Variants in RBFOX1 observed in about 807,000 individuals in gnomAD.
RBFOX1 encodes RNA binding protein fox-1 homolog 1.
A neutral mutation model predicts 57.7 loss-of-function variants in RBFOX1; 8 were observed. The observed-to-expected ratio is 0.14, with a 90% CI of 0.08 to 0.25. RBFOX1 has a LOEUF of 0.25. RBFOX1 is among the 10% of genes least tolerant of loss of function. RBFOX1 has a pLI of 1.00. For missense variants in RBFOX1, 611 were observed against 548.5 expected (o/e 1.11, Z -1.14); for synonymous variants, 326 against 222.4 (o/e 1.47, Z -4.15).
intron 3 of RBFOX1, among the ~76,000 whole-genome samples, chr16:6,780,547 TATATATTTAC>T (rs2080816559): frequency 3.2e-5 from 4 of 123,434 alleles, no homozygotes; most frequent in South Asian, 2.6e-4. Flanking sequence ...TACATTTACA[TATATATTTAC>T]ATATTTATAT....
intron 3 of RBFOX1, among the ~76,000 whole-genome samples, chr16:6,953,454 C>G (rs577647241): frequency 3.9e-5 from 6 of 152,118 alleles, no homozygotes; most frequent in African/African-American, 1.4e-4. Context: ...GGTGCAGTCT[C>G]AGCTCACCGC....
intron 2 of RBFOX1, among the ~76,000 whole-genome samples, chr16:5,539,587 C>T (rs956444951): frequency 6.6e-6 from 1 of 151,730 alleles, no homozygotes; most frequent in East Asian, 1.9e-4. Context: ...GGCAATAGAG[C>T]GAGACTCTCT....
In RBFOX1 at chr16:6,915,726, A is replaced by C. The variant is rs542649668; in HGVS notation, c.-15-136331A>C. 7.7e-4 allele frequency among the ~76,000 whole-genome samples: 117 copies of C among 151,462 alleles called. 4 individuals carry two copies. The highest frequency in any genetic ancestry group is 7.6e-3 in the Admixed American group (115 of 15,226). On this transcript the variant is annotated intron_variant, in intron 3 of 15. Transcript: ENST00000550418. Reference sequence around the variant, plus strand: ...CCACCATGCCTGACTAAATTTTTCTACTTTTTGTAGAGACAGGGTTTTGCC... The same window carrying C: ...CCACCATGCCTGACTAAATTTTTCTCCTTTTTGTAGAGACAGGGTTTTGCC...
intron 3 of RBFOX1, among the ~76,000 whole-genome samples, chr16:5,835,199 C>T (rs769187824): frequency 6.6e-6 from 1 of 152,076 alleles, no homozygotes; most frequent in Non-Finnish European, 1.5e-5. Flanking sequence ...TGAGGGCTTC[C>T]TAGAAGTGAG....
chr16:7,347,733 A>G (rs1395850231), intron 4 of RBFOX1, among the ~76,000 whole-genome samples: 2 of 152,058 alleles, frequency 1.3e-5, no homozygotes, highest in East Asian at 3.9e-4. Flanking sequence ...GACCCAACCT[A>G]TCGTATGTCT....
intron 3 of RBFOX1, among the ~76,000 whole-genome samples, chr16:6,667,931 T>A (rs1224811811): frequency 3.3e-5 from 5 of 152,124 alleles, no homozygotes; most frequent in African/African-American, 9.7e-5. Context: ...GCTGCCTGAT[T>A]ATTACACTTA....
Position 5,575,428 on chromosome 16 carries a change from C to G in RBFOX1, c.259-23474C>G, listed in dbSNP as rs555177095. Among the ~76,000 whole-genome samples the G allele has an allele frequency of 2.0e-5, 3 of 152,306 alleles. No individual in the cohort carries two copies. The East Asian group carries it at 5.8e-4, about 29-fold the overall frequency. The stretch of plus-strand genomic sequence containing the variant: ...ATCATCCTAACAGCTCTATGTCAGG[C>G]AGGTTCAACTTTTGTCATTTTATGG... On this transcript the variant is annotated intron_variant, in intron 2 of 2. Coordinates refer to the RBFOX1 transcript ENST00000585867.
intron 3 of RBFOX1, among the ~76,000 whole-genome samples, chr16:5,866,315 C>A (rs1419095039): frequency 6.6e-6 from 1 of 152,188 alleles, no homozygotes; most frequent in Admixed American, 6.5e-5. Flanking sequence ...GAGGGCCTAC[C>A]TTCATGACAT....
At chr16:6,616,464 C>T (rs541415218) in intron 2 of RBFOX1, among the ~76,000 whole-genome samples, 1 of 151,970 alleles carries the variant, frequency 6.6e-6, no homozygotes, top group Non-Finnish European at 1.5e-5. Context: ...ATCACGAGGT[C>T]AGGAGATCGA....
At chr16:5,742,903 G>C (rs1387533727) in intron 3 of RBFOX1, among the ~76,000 whole-genome samples, 1 of 152,200 alleles carries the variant, frequency 6.6e-6, no homozygotes, top group Non-Finnish European at 1.5e-5. Context: ...TTGGGATAAA[G>C]TGTAGGTGAG....
chr16:6,278,277 C>T (rs1337532762), intron 1 of RBFOX1, among the ~76,000 whole-genome samples: 3 of 143,660 alleles, frequency 2.1e-5, no homozygotes, highest in Admixed American at 1.5e-4. Flanking sequence ...CAGGCATGTG[C>T]TTTAAAATCC....
chr16:7,485,603 C>G (rs1032235356), intron 4 of RBFOX1, among the ~76,000 whole-genome samples: 2 of 152,080 alleles, frequency 1.3e-5, no homozygotes, highest in African/African-American at 2.4e-5. Context: ...AGGCAAGAGC[C>G]CATACCTCAA....
intron 2 of RBFOX1, among the ~76,000 whole-genome samples, chr16:6,379,371 C>G (rs919524741): frequency 2.0e-5 from 3 of 152,120 alleles, no homozygotes; most frequent in African/African-American, 4.8e-5. Context: ...ATATTCCTGC[C>G]TTATACCTGT....
At chr16:6,188,791 CCT>C (rs1266862741) in intron 1 of RBFOX1, among the ~76,000 whole-genome samples, 1 of 152,174 alleles carries the variant, frequency 6.6e-6, no homozygotes, top group Non-Finnish European at 1.5e-5. Flanking sequence ...ATGTCCCAAA[CCT>C]TCCTACCGCT....
At chr16:7,245,232 A>T (rs943083850) in intron 4 of RBFOX1, among the ~76,000 whole-genome samples, 1 of 152,204 alleles carries the variant, frequency 6.6e-6, no homozygotes, top group Non-Finnish European at 1.5e-5. Context: ...TATTTCATAT[A>T]GTTATAGAAT....
chr16:7,090,412 C>A (rs2060633940), intron 4 of RBFOX1, among the ~76,000 whole-genome samples: 1 of 152,052 alleles, frequency 6.6e-6, no homozygotes, highest in Admixed American at 6.6e-5. Flanking sequence ...TCTAGACTGA[C>A]TTTGTCATTT....
intron 3 of RBFOX1, among the ~76,000 whole-genome samples, chr16:6,783,249 G>C (rs2081330249): frequency 6.6e-6 from 1 of 151,158 alleles, no homozygotes; most frequent in Non-Finnish European, 1.5e-5. Context: ...ATTATTGATA[G>C]GTGAGGACTT....
chr16:6,861,639 A>G (rs748724424), intron 3 of RBFOX1, among the ~76,000 whole-genome samples: 8 of 152,026 alleles, frequency 5.3e-5, no homozygotes, highest in East Asian at 3.9e-4. Flanking sequence ...TTATGTTGCA[A>G]TATTACAGAC....
chr16:7,501,421 A>G (rs374921626), intron 4 of RBFOX1, among the ~76,000 whole-genome samples: 1 of 152,250 alleles, frequency 6.6e-6, no homozygotes, highest in East Asian at 1.9e-4. Context: ...TGATTTAATC[A>G]AATCGTGTTT....
Sources: allele counts gnomAD v4.1 joint callset (sites outside exome capture counted in the v4.1 genomes callset), GRCh38; gene constraint gnomAD v4.1.1; transcripts MANE v1.5; gene names NCBI Gene and HGNC (gene_info 2026-07-23, HGNC 2026-07-21).